VPS39: variants seen among roughly 807,000 people sequenced by gnomAD.
VPS39 encodes the protein VPS39 subunit of HOPS complex.
VPS39 carries 70 observed loss-of-function variants against 121.0 expected under a neutral mutation model. That is an observed-to-expected ratio of 0.58 (90% CI 0.48 to 0.71). The LOEUF (loss-of-function observed/expected upper bound fraction) is 0.71. Ranked by LOEUF, VPS39 falls within the 30% of genes least tolerant of loss-of-function variation. The pLI, the probability that VPS39 is intolerant of heterozygous loss-of-function variation, is 0.00. For synonymous variants in VPS39, 378 were observed against 398.1 expected (o/e 0.95, Z 0.60); for missense variants, 818 against 1,051.5 (o/e 0.78, Z 3.07).
intron 18 of VPS39, 24 bp from the exon 19 acceptor site, chr15:42,164,510 A>G (rs2049203870): frequency 6.2e-7 from 1 of 1,612,866 alleles, no homozygotes; most frequent in Admixed American, 1.7e-5. Context: ...CAAGCTCAAA[A>G]TGAAAGGACA....
chr15:42,204,746 G>A (rs919841390), intron 1 of VPS39, among the ~76,000 whole-genome samples: 9 of 151,978 alleles, frequency 5.9e-5, no homozygotes, highest in Non-Finnish European at 7.4e-5. Flanking sequence ...CTAAAACGAC[G>A]AAAAGTCTAG....
intron 12 of VPS39, among the ~76,000 whole-genome samples, chr15:42,168,995 G>A (rs1016024540): frequency 6.6e-6 from 1 of 152,172 alleles, no homozygotes; most frequent in African/African-American, 2.4e-5. Flanking sequence ...CAGAAATCTA[G>A]GGTTAAGAGA....
In VPS39 at chr15:42,164,393, T is replaced by A. The variant is rs144710207; in HGVS notation, c.1991A>T (p.Asp664Val). ...AAAATCACAGATGAGCCGGCCTGGA[T>A]CATAGTAGCTGGAAATCTCCAAGAA... ...LMFLEISSYY[D>V]PGRLICDFPF... is the part of the protein sequence containing the mutation. The change falls in exon 19 of 25, where the codon GAT becomes GTT. Residue 664 changes from aspartate (D) to valine (V), a missense_variant. Asp to Val is a radical substitution (Grantham distance 152). Coordinates refer to ENST00000318006, the MANE Select transcript of VPS39 (RefSeq NM_015289.5). 1.9e-6 allele frequency: 3 copies of A among 1,613,962 alleles called. No individual in the cohort carries two copies. In the African/African-American group the frequency reaches 4.0e-5, roughly 22 times the overall value.
At chr15:42,169,095 C>T (rs1345907639) in intron 12 of VPS39, among the ~76,000 whole-genome samples, 1 of 152,092 alleles carries the variant, frequency 6.6e-6, no homozygotes, top group African/African-American at 2.4e-5. Context: ...CTAAATACCT[C>T]CCTAAAAAAC....
chr15:42,161,546 A>T, intron 24 of VPS39, 136 bp downstream of exon 24: 1 of 908,234 alleles, frequency 1.1e-6, no homozygotes, highest in Non-Finnish European at 1.8e-6. Context: ...TGAAGGCTCA[A>T]GAACTAAAAG....
chr15:42,201,768 G>C (rs771310204), intron 1 of VPS39, among the ~76,000 whole-genome samples: 1 of 152,176 alleles, frequency 6.6e-6, no homozygotes, highest in Non-Finnish European at 1.5e-5. Flanking sequence ...AGGAAGGTAA[G>C]CATGTACAGA....
chr15:42,162,328 T>C lies in VPS39; in HGVS notation c.2325+4A>G. 1 of 1,607,666 alleles carries C rather than the reference T, an allele frequency of 6.2e-7. No individual in the cohort carries two copies. Among genetic ancestry groups the C allele is most frequent in the Non-Finnish European group, 8.5e-7 (1 of 1,175,798 alleles). On this transcript the variant is annotated splice_donor_region_variant and intron_variant, in intron 22 of 24. Transcript: ENST00000318006. ...CCTCCATCTCCCTAGGAACAACTCCTGACCTTGGTGGTGTCCAGTTTGCTG... is the reference window on the plus strand; with the variant it reads ...CCTCCATCTCCCTAGGAACAACTCCCGACCTTGGTGGTGTCCAGTTTGCTG...
intron 12 of VPS39, among the ~76,000 whole-genome samples, chr15:42,167,960 C>T (rs1406085068): frequency 6.6e-6 from 1 of 152,140 alleles, no homozygotes. Flanking sequence ...TTAAAGTGTA[C>T]CATCAGATAC....
chr15:42,201,092 T>A (rs531596393), intron 1 of VPS39, among the ~76,000 whole-genome samples: 2 of 152,286 alleles, frequency 1.3e-5, no homozygotes, highest in African/African-American at 4.8e-5. Context: ...CTTCTGAAAG[T>A]GATGAATATG....
intron 1 of VPS39, among the ~76,000 whole-genome samples, chr15:42,207,836 C>G (rs988897283): frequency 6.6e-6 from 1 of 152,250 alleles, no homozygotes; most frequent in Non-Finnish European, 1.5e-5. Flanking sequence ...CCACTCTGCA[C>G]AGAGAGCAAA....
In VPS39 at chr15:42,165,800, A is replaced by G. The variant is rs777373404; in HGVS notation, c.1697T>C (p.Leu566Pro). 5 of 1,614,034 alleles carry G rather than the reference A, an allele frequency of 3.1e-6. No individual in the cohort carries two copies. The Admixed American group carries it at 5.0e-5, about 16-fold the overall frequency. Residue 566 changes from leucine to proline, a missense_variant, in exon 17 of 25, where the codon CTC becomes CCC. Transcript: ENST00000318006. ...ACGTGGCAGAGACTCCACTTCCGGGAGATCTTCAGTAAATATCTGTTAGAA... is the reference window on the plus strand; with the variant it reads ...ACGTGGCAGAGACTCCACTTCCGGGGGATCTTCAGTAAATATCTGTTAGAA... Reference protein sequence around the residue: ...EDGLKIFTEDLPEVESLPRDR... With the variant: ...EDGLKIFTEDPPEVESLPRDR...
Position 42,186,468 on chromosome 15 carries a change from C to T in VPS39, c.534+803G>A. ...ATAAAATAAAATAACCAATGAAGAG[C>T]TCACCCAGTGGAAGGTAGAGAGAGA... On this transcript the variant is annotated intron_variant, in intron 7 of 24. Coordinates refer to ENST00000318006, the MANE Select transcript of VPS39 (RefSeq NM_015289.5). Among the ~76,000 whole-genome samples, 2 of 151,942 alleles carry T rather than the reference C, an allele frequency of 1.3e-5. 1 individual carries two copies. The highest frequency in any genetic ancestry group is 3.9e-4 in the East Asian group (2 of 5,188).
chr15:42,188,827 G>A (rs1679002), intron 5 of VPS39, among the ~76,000 whole-genome samples: 47,184 of 151,978 alleles, frequency 0.31, 11,214 homozygotes, highest in African/African-American at 0.65. Flanking sequence ...ATAGCCGGAC[G>A]TGGTGGTGCA....
chr15:42,161,150 A>G (rs1291155603), intron 24 of VPS39: 2 of 375,378 alleles, frequency 5.3e-6, no homozygotes, highest in Non-Finnish European at 9.8e-6. Context: ...AACAATGTTC[A>G]TCAGAACAGG....
At chr15:42,205,916 T>C (rs1464013057) in intron 1 of VPS39, among the ~76,000 whole-genome samples, 1 of 152,086 alleles carries the variant, frequency 6.6e-6, no homozygotes, top group Non-Finnish European at 1.5e-5. Flanking sequence ...TAAAACAGAA[T>C]GAAAGAAGTC....
chr15:42,187,408 A>T (rs771712070), intron 6 of VPS39, 45 bp from the exon 7 acceptor site: 166 of 1,538,614 alleles, frequency 1.1e-4, no homozygotes, highest in Middle Eastern at 1.7e-4. Context: ...ATATTTTTTT[A>T]AAAAATCATG....
chr15:42,177,160 T>A (rs1679003), intron 10 of VPS39, among the ~76,000 whole-genome samples: 20 of 118,392 alleles, frequency 1.7e-4, no homozygotes, highest in South Asian at 8.9e-4. Flanking sequence ...GAGACCCTGT[T>A]TTAAAAAAAA....
At chr15:42,204,022 T>C (rs1388330708) in intron 1 of VPS39, among the ~76,000 whole-genome samples, 1 of 152,248 alleles carries the variant, frequency 6.6e-6, no homozygotes, top group African/African-American at 2.4e-5. Flanking sequence ...AGGTTGGACT[T>C]AATTCCTCCT....
At chr15:42,194,530 T>C (rs997703388) in intron 2 of VPS39, among the ~76,000 whole-genome samples, 17 of 152,078 alleles carry the variant, frequency 1.1e-4, no homozygotes, top group Admixed American at 5.2e-4. Flanking sequence ...GGCAAGGAGT[T>C]TGGGGCCACC....
Sources: gnomAD v4.1 joint callset for allele counts (sites outside exome capture counted in the v4.1 genomes callset) on GRCh38, gnomAD v4.1.1 for gene constraint, MANE v1.5 for transcripts, NCBI Gene and HGNC (gene_info 2026-07-23, HGNC 2026-07-21) for gene names.